TBCD: variants seen among roughly 807,000 people sequenced by gnomAD.
TBCD encodes the protein tubulin folding cofactor D, also known as tubulin-specific chaperone D.
A neutral mutation model predicts 169.3 loss-of-function variants in TBCD; 105 were observed. The observed-to-expected ratio is 0.62, with a 90% CI of 0.53 to 0.73. TBCD has a LOEUF of 0.73. TBCD is among the 30% of genes least tolerant of loss of function. TBCD has a pLI of 0.00. For missense variants in TBCD, 1,444 were observed against 1,600.1 expected (o/e 0.90, Z 1.66); for synonymous variants, 700 against 643.9 (o/e 1.09, Z -1.32).
At chr17:82,769,494 G>A (rs1004879672) in intron 5 of TBCD, among the ~76,000 whole-genome samples, 2 of 152,176 alleles carry the variant, frequency 1.3e-5, no homozygotes, top group Non-Finnish European at 2.9e-5. Flanking sequence ...CGACAGCCCT[G>A]GTCAGCATTC....
rs763111933 is a variant in TBCD at position 82,942,648 on chromosome 17, A to G, written c.*185A>G. 7 of 691,480 alleles carry G rather than the reference A, an allele frequency of 1.0e-5. No homozygotes were observed. Among genetic ancestry groups the G allele is most frequent in the African/African-American group, 1.8e-5 (1 of 55,376 alleles). 42.8% of individuals were successfully genotyped at this position (691,480 alleles called of 1,614,324 possible). A position where few individuals can be genotyped will look rare whatever the true frequency, so the allele number is the denominator to read the frequency against. On this transcript the variant is annotated 3_prime_UTR_variant, in exon 39 of 39. Coordinates refer to ENST00000355528, the MANE Select transcript of TBCD (RefSeq NM_005993.5). ...CCTGCGCTCTGGTGACTTGGGGTGG[A>G]CGCCTCTGCCTTCACTTGAACACAA...
At chr17:82,757,378 T>A (rs565624749) in intron 2 of TBCD, among the ~76,000 whole-genome samples, 1 of 152,252 alleles carries the variant, frequency 6.6e-6, no homozygotes, top group Admixed American at 6.5e-5. Context: ...CCCAGCACTT[T>A]GGGAGGTGGA....
At position 82,880,070 on chromosome 17, in the gene TBCD, C is replaced by T. The variant is rs1033906575; in HGVS notation, c.1476-4075C>T. On this transcript the variant is annotated intron_variant, in intron 14 of 38. Coordinates refer to ENST00000355528, the MANE Select transcript of TBCD (RefSeq NM_005993.5). This position sits in a 1 kb window ranked among gnomAD's most constrained non-coding sequence, Gnocchi z 5.0. ...CTTCATCTACCTTCACAGCCAGCCACGTCCACGTCTCGCTTCATCCTTCAC... is the reference window on the plus strand; with the variant it reads ...CTTCATCTACCTTCACAGCCAGCCATGTCCACGTCTCGCTTCATCCTTCAC... 6.6e-6 allele frequency among the ~76,000 whole-genome samples: 1 copy of T among 152,178 alleles called. No homozygotes were observed. The highest frequency in any genetic ancestry group is 2.4e-5 in the African/African-American group (1 of 41,432).
At chr17:82,926,302 G>A in intron 27 of TBCD, 98 bp from the exon 28 acceptor site, 1 of 1,126,996 alleles carries the variant, frequency 8.9e-7, no homozygotes. Flanking sequence ...CTATCTCATG[G>A]TGTGGGGTCT....
At chr17:82,830,471 C>A (rs372202694) in intron 13 of TBCD, 1 of 1,612,966 alleles carries the variant, frequency 6.2e-7, no homozygotes, top group African/African-American at 1.3e-5. Context: ...GCCTCCTCGC[C>A]GGGGCCTGTG....
In TBCD at chr17:82,915,897, T is replaced by A. The variant is rs1200717166; in HGVS notation, c.2038+4108T>A. 6.6e-6 allele frequency among the ~76,000 whole-genome samples: 1 copy of A among 152,164 alleles called. No individual in the cohort carries two copies. The highest frequency in any genetic ancestry group is 1.5e-5 in the Non-Finnish European group (1 of 68,020). ...GACTTCCTGCTGTGGGGGTGAGGGC[T>A]CCGTGCTCCATCTCTGATGCCCTGT... On this transcript the variant is annotated intron_variant, in intron 23 of 38. Coordinates refer to ENST00000355528, the MANE Select transcript of TBCD (RefSeq NM_005993.5). The surrounding 1 kb of genome is among the most constrained non-coding windows in gnomAD (Gnocchi z 4.3).
At chr17:82,859,698 G>T (rs1158586105) in intron 13 of TBCD, 1 of 985,374 alleles carries the variant, frequency 1.0e-6, no homozygotes, top group Non-Finnish European at 1.2e-6. Flanking sequence ...GCCAGGGCTT[G>T]CCCGCCGGGA....
intron 30 of TBCD, 105 bp from the exon 31 acceptor site, chr17:82,929,008 G>A (rs1045112129): frequency 6.3e-6 from 9 of 1,434,998 alleles, no homozygotes; most frequent in Admixed American, 4.1e-5. Flanking sequence ...GCATGTCCTC[G>A]TGGTGCTTGG....
In TBCD at chr17:82,767,258, C is replaced by A. The variant is rs59539124; in HGVS notation, c.435+890C>A. 1.6e-4 allele frequency among the ~76,000 whole-genome samples: 24 copies of A among 152,080 alleles called. 1 individual carries two copies. Among genetic ancestry groups the A allele is most frequent in the Admixed American group, 1.5e-3 (23 of 15,268 alleles). ...CGTGCAGTGCGGTGGCTTGTCTCGG[C>A]GTGGATGTGACTGATGAGCGCTGTG... On this transcript the variant is annotated intron_variant, in intron 4 of 38. Transcript: ENST00000355528.
chr17:82,875,996 C>A (rs2057942691), intron 14 of TBCD, among the ~76,000 whole-genome samples: 1 of 152,168 alleles, frequency 6.6e-6, no homozygotes, highest in Non-Finnish European at 1.5e-5. Flanking sequence ...GGCTAAATAA[C>A]AAATTACTAG....
intron 11 of TBCD, among the ~76,000 whole-genome samples, chr17:82,808,485 G>A (rs1435907163): frequency 7.0e-6 from 1 of 142,886 alleles, no homozygotes; most frequent in Non-Finnish European, 1.5e-5. Flanking sequence ...CAGGTGGAGG[G>A]GCTGACAGGT....
At chr17:82,897,517 C>CA (rs34695419) in intron 17 of TBCD, among the ~76,000 whole-genome samples, 66,994 of 134,514 alleles carry the variant, frequency 0.5, 16,892 homozygotes, top group East Asian at 0.72. Flanking sequence ...GACTCCGTCT[C>CA]AAAAAAAAAA....
chr17:82,903,391 C>T lies in TBCD; in HGVS notation c.1731-14C>T, dbSNP rs1273350915. ...AAAATGAAGGCACTTACGACATTCT[C>T]TCCTCACTCTCAGGGTCATCCGAGA... On this transcript the variant is annotated splice_polypyrimidine_tract_variant and intron_variant, in intron 18 of 38. Transcript: ENST00000355528. This position sits in a 1 kb window ranked among gnomAD's most constrained non-coding sequence, Gnocchi z 4.8. 1.3e-6 allele frequency: 2 copies of T among 1,595,526 alleles called. No individual in the cohort carries two copies. The highest frequency in any genetic ancestry group is 2.3e-5 in the South Asian group (2 of 87,764).
At chr17:82,881,264 A>G (rs1037340343) in intron 14 of TBCD, among the ~76,000 whole-genome samples, 1 of 152,214 alleles carries the variant, frequency 6.6e-6, no homozygotes, top group Non-Finnish European at 1.5e-5. Flanking sequence ...TGTCCCTGCA[A>G]TAAGCAAACA....
chr17:82,758,402 AATAAAT>A (rs1275290360), intron 2 of TBCD, among the ~76,000 whole-genome samples: 6 of 93,688 alleles, frequency 6.4e-5, no homozygotes, highest in Admixed American at 4.1e-4. Flanking sequence ...AAAAAAAAAA[AATAAAT>A]AAATAAATAA....
At chr17:82,795,905 C>CCG (rs1458023515) in intron 7 of TBCD, 1 of 152,278 alleles carries the variant, frequency 6.6e-6, no homozygotes, top group East Asian at 1.9e-4. Context: ...CTGAAAGAGG[C>CCG]CGCCAGGCTT....
intron 26 of TBCD, among the ~76,000 whole-genome samples, chr17:82,924,174 G>A (rs1340029630): frequency 6.6e-6 from 1 of 152,112 alleles, no homozygotes; most frequent in African/African-American, 2.4e-5. Context: ...GGCTGGAATC[G>A]AACTCCTGAC....
At chr17:82,895,187 G>A (rs1174327543) in intron 17 of TBCD, among the ~76,000 whole-genome samples, 2 of 152,250 alleles carry the variant, frequency 1.3e-5, no homozygotes, top group Non-Finnish European at 2.9e-5. Context: ...GCTTCCTCAC[G>A]ATGCCAGGCC....
chr17:82,931,472 G>A (rs1448362324), intron 33 of TBCD, among the ~76,000 whole-genome samples: 1 of 152,210 alleles, frequency 6.6e-6, no homozygotes, highest in Non-Finnish European at 1.5e-5. Flanking sequence ...GAGGCGCTGG[G>A]CCGCGTGCCG....
Sources: gnomAD v4.1 joint callset for allele counts (sites outside exome capture counted in the v4.1 genomes callset) on GRCh38, gnomAD v4.1.1 for gene constraint, Gnocchi (gnomAD v3.1) non-coding constraint, MANE v1.5 for transcripts, NCBI Gene and HGNC (gene_info 2026-07-23, HGNC 2026-07-21) for gene names.